LAMA1: variants seen among roughly 807,000 people sequenced by gnomAD.
LAMA1 encodes the protein laminin subunit alpha-1.
In LAMA1, 219 loss-of-function variants were observed where a neutral mutation model predicts 348.7. The observed-to-expected ratio is 0.63, with a 90% confidence interval of 0.56 to 0.70. LAMA1 has a LOEUF of 0.70. Ranked by LOEUF, LAMA1 falls within the 30% of genes least tolerant of loss-of-function variation. The pLI is 0.00. For synonymous variants in LAMA1, 1,487 were observed against 1,491.0 expected (o/e 1.00, Z 0.06); for missense variants, 3,744 against 3,888.0 (o/e 0.96, Z 0.99).
At chr18:7,043,541 G>A in intron 7 of LAMA1, 136 bp from the exon 8 acceptor site, 1 of 730,330 alleles carries the variant, frequency 1.4e-6, no homozygotes, top group Admixed American at 2.3e-5. Flanking sequence ...AATAAGATAT[G>A]GGCAGTATTA....
At chr18:7,039,993 T>C in intron 10 of LAMA1, 83 bp downstream of exon 10, 1 of 1,514,404 alleles carries the variant, frequency 6.6e-7, no homozygotes, top group Non-Finnish European at 9.1e-7. Context: ...GCTCAAGAAC[T>C]GATCATTGGA....
At chr18:7,102,340 T>C (rs2143821972) in intron 1 of LAMA1, among the ~76,000 whole-genome samples, 1 of 152,184 alleles carries the variant, frequency 6.6e-6, no homozygotes, top group Middle Eastern at 3.4e-3. Flanking sequence ...GAGGAAGTCT[T>C]AGCCCAGAAC....
intron 1 of LAMA1, among the ~76,000 whole-genome samples, chr18:7,112,563 A>C (rs2058339844): frequency 6.6e-6 from 1 of 151,834 alleles, no homozygotes; most frequent in South Asian, 2.1e-4. Flanking sequence ...TACCTTTTGC[A>C]TTTCATACCA....
intron 16 of LAMA1, 72 bp from the exon 17 acceptor site, chr18:7,026,178 G>T: frequency 6.4e-7 from 1 of 1,552,694 alleles, no homozygotes; most frequent in Non-Finnish European, 8.8e-7. Flanking sequence ...TAAGCAACTT[G>T]AAGTCCAAGC....
intron 56 of LAMA1, 165 bp downstream of exon 56, chr18:6,956,471 C>G: frequency 1.7e-6 from 2 of 1,180,578 alleles, no homozygotes; most frequent in East Asian, 2.4e-5. Flanking sequence ...CTTGAGGCAC[C>G]CTTTCCCTCC....
intron 53 of LAMA1, chr18:6,959,966 G>A (rs973435634): frequency 8.1e-6 from 2 of 246,538 alleles, no homozygotes; most frequent in Non-Finnish European, 1.6e-5. Flanking sequence ...ATTGAAAAGA[G>A]GTAGTTTATA....
At chr18:6,953,953 G>C (rs2057562100) in intron 57 of LAMA1, 1 of 152,366 alleles carries the variant, frequency 6.6e-6, no homozygotes, top group Non-Finnish European at 1.5e-5. Flanking sequence ...TAGCAGAAGA[G>C]ATAGAGGGTC....
At chr18:6,985,189 G>T in intron 39 of LAMA1, 48 bp downstream of exon 39, 1 of 1,605,498 alleles carries the variant, frequency 6.2e-7, no homozygotes, top group South Asian at 1.1e-5. Flanking sequence ...CTATTTCTCC[G>T]ATCAATAGAC....
At chr18:7,097,234 C>G (rs1026747019) in intron 1 of LAMA1, among the ~76,000 whole-genome samples, 8 of 150,076 alleles carry the variant, frequency 5.3e-5, no homozygotes, top group Middle Eastern at 3.4e-3. Flanking sequence ...CCATCCACAC[C>G]AGGCTTCTTT....
At chr18:7,069,026 C>T (rs1003778723) in intron 3 of LAMA1, among the ~76,000 whole-genome samples, 5 of 152,090 alleles carry the variant, frequency 3.3e-5, no homozygotes, top group African/African-American at 4.8e-5. Flanking sequence ...ACTGTCTTCA[C>T]GGATTTCCCT....
At position 7,011,294 on chromosome 18, in the gene LAMA1, C is replaced by T. The variant is rs781289440; in HGVS notation, c.3687+6G>A. The T allele has an allele frequency of 1.2e-6, 2 of 1,610,248 alleles. No homozygotes were observed. The highest frequency in any genetic ancestry group is 2.2e-5 in the East Asian group (1 of 44,794). Reference sequence around the variant, plus strand: ...CGACTGGCTCTCGGCTGGGCGTGCACCTCACCTGGTCTCCTTGGAACTGCT... The same window carrying T: ...CGACTGGCTCTCGGCTGGGCGTGCATCTCACCTGGTCTCCTTGGAACTGCT... On this transcript the variant is annotated splice_donor_region_variant and intron_variant, in intron 25 of 62. Coordinates refer to ENST00000389658, the MANE Select transcript of LAMA1 (RefSeq NM_005559.4).
At chr18:6,984,547 AG>A (rs1354666796) in intron 39 of LAMA1, among the ~76,000 whole-genome samples, 15 of 152,206 alleles carry the variant, frequency 9.9e-5, no homozygotes, top group Admixed American at 8.5e-4. Flanking sequence ...TTTGGGGGGA[AG>A]GCAGCTAAAG....
In LAMA1 at chr18:6,985,361, C is replaced by T; in HGVS notation, c.5536G>A (p.Ala1846Thr). 5 of 1,614,164 alleles carry T rather than the reference C, an allele frequency of 3.1e-6. No homozygotes were observed. Among genetic ancestry groups the T allele is most frequent in the Admixed American group, 1.7e-5 (1 of 60,022 alleles). Residue 1846 changes from alanine (A) to threonine (T), a missense_variant, in exon 39 of 63, where the codon GCC (alanine) becomes ACC (threonine). Physicochemically the swap from Ala to Thr is moderately conservative, Grantham distance 58 (BLOSUM62 0). Coordinates refer to ENST00000389658, the MANE Select transcript of LAMA1 (RefSeq NM_005559.4). ...TCATCTATGTGGTGCCTGATTTTGGCAGACCATAAAAGTAGCTTATCCTGG... is the reference window on the plus strand; with the variant it reads ...TCATCTATGTGGTGCCTGATTTTGGTAGACCATAAAAGTAGCTTATCCTGG... ...DHQDKLLLWS[A>T]KIRHHIDDLV...
intron 29 of LAMA1, among the ~76,000 whole-genome samples, chr18:7,003,510 G>A (rs553351300): frequency 6.6e-6 from 1 of 152,108 alleles, no homozygotes; most frequent in South Asian, 2.1e-4. Context: ...TGCCCGCCTC[G>A]GCCTCCCAAA....
At chr18:6,973,631 C>A (rs1424871093) in intron 46 of LAMA1, among the ~76,000 whole-genome samples, 6 of 152,182 alleles carry the variant, frequency 3.9e-5, no homozygotes, top group East Asian at 1.9e-4. Flanking sequence ...ATGCACCCCC[C>A]ACTTGCATCC....
intron 33 of LAMA1, among the ~76,000 whole-genome samples, chr18:6,996,351 C>T (rs1055648319): frequency 2.0e-5 from 3 of 152,152 alleles, no homozygotes; most frequent in Non-Finnish European, 4.4e-5. Context: ...TTGAGGAAAA[C>T]TCTTATCTAA....
At chr18:7,093,841 A>G (rs1370403819) in intron 1 of LAMA1, among the ~76,000 whole-genome samples, 6 of 145,034 alleles carry the variant, frequency 4.1e-5, no homozygotes, top group Non-Finnish European at 8.9e-5. Flanking sequence ...GTGTCACGAT[A>G]TCGGCTCCCC....
At chr18:7,092,240 A>G (rs190679532) in intron 1 of LAMA1, among the ~76,000 whole-genome samples, 1 of 152,162 alleles carries the variant, frequency 6.6e-6, no homozygotes, top group African/African-American at 2.4e-5. Context: ...CTATTCCTAG[A>G]TTAAGGCTGT....
chr18:6,948,348 C>T lies in LAMA1; in HGVS notation c.8710+55G>A. Reference sequence around the variant, plus strand: ...GTCTTATACTCTTGGATCCACATCGCTTTAGAGTACAGACTCATTCGGGGA... The same window carrying T: ...GTCTTATACTCTTGGATCCACATCGTTTTAGAGTACAGACTCATTCGGGGA... On this transcript the variant is annotated intron_variant, in intron 60 of 62. Transcript: ENST00000389658. The T allele has an allele frequency of 2.5e-6, 4 of 1,611,312 alleles. No homozygotes were observed. In the South Asian group the frequency reaches 4.4e-5, roughly 18 times the overall value.
Sources: allele counts gnomAD v4.1 joint callset (sites outside exome capture counted in the v4.1 genomes callset), GRCh38; gene constraint gnomAD v4.1.1; transcripts MANE v1.5; gene names NCBI Gene and HGNC (gene_info 2026-07-23, HGNC 2026-07-21).